USB1: variants seen among roughly 807,000 people sequenced by gnomAD.
USB1 encodes U6 snRNA phosphodiesterase 1.
Under a neutral mutation model 29.9 loss-of-function variants are expected in USB1, and 21 were observed. The observed-to-expected ratio is 0.70, with a 90% CI of 0.50 to 1.01. USB1 has a LOEUF of 1.01. Among genes scored for constraint, USB1 ranks in the 50% least tolerant of loss-of-function variants. The probability of loss-of-function intolerance (pLI) is 0.00; values close to 1 mark genes in which losing one functional copy is unlikely to be tolerated. For synonymous variants in USB1, 143 were observed against 134.9 expected (o/e 1.06, Z -0.42); for missense variants, 330 against 347.1 (o/e 0.95, Z 0.39).
At chr16:58,009,736 A>T (rs1963445474) in intron 2 of USB1, among the ~76,000 whole-genome samples, 193 bp from the exon 3 acceptor site, 1 of 151,046 alleles carries the variant, frequency 6.6e-6, no homozygotes, top group African/African-American at 2.4e-5. Flanking sequence ...AAAAAAAAAA[A>T]ATAATAATAA....
At position 58,001,548 on chromosome 16, in the gene USB1, T is replaced by A; in HGVS notation, c.65T>A (p.Met22Lys). The A allele has an allele frequency of 1.9e-6, 3 of 1,609,556 alleles. No homozygotes were observed. The highest frequency in any genetic ancestry group is 3.3e-4 in the Middle Eastern group (2 of 6,048). The stretch of plus-strand genomic sequence containing the variant: ...TCCGAGGATGAGTCCGAGGACGGGA[T>A]GCGGACCAGGCCGGGGGATGGGAGC... ...SGSEDESEDG[M>K]RTRPGDGSHR... Residue 22 changes from methionine (M) to lysine (K), a missense_variant, in exon 1 of 7, where the codon ATG (methionine) becomes AAG (lysine). Physicochemically the swap from Met to Lys is moderately conservative, Grantham distance 95. Transcript: ENST00000219281.
chr16:58,016,862 A>G (rs1963627940), intron 4 of USB1: 1 of 183,554 alleles, frequency 5.4e-6, no homozygotes, highest in African/African-American at 2.3e-5. Flanking sequence ...TTCACTGAGA[A>G]TGGGATGGGG....
intron 2 of USB1, among the ~76,000 whole-genome samples, chr16:58,008,433 C>T (rs186338781): frequency 6.7e-5 from 10 of 148,192 alleles, no homozygotes; most frequent in African/African-American, 2.2e-4. Flanking sequence ...AGATGATTGA[C>T]TTTAGATCTT....
intron 4 of USB1, 114 bp from the exon 5 acceptor site, chr16:58,017,220 G>A (rs1435143619): frequency 9.1e-6 from 8 of 881,508 alleles, no homozygotes; most frequent in Admixed American, 1.7e-5. Context: ...CCAGGGAGAC[G>A]GTGAGACCCA....
rs1245690675 is a variant in USB1, at chr16:58,009,753, A to G, written c.266-176A>G. 2.6e-5 allele frequency among the ~76,000 whole-genome samples: 4 copies of G among 151,420 alleles called. No individual in the cohort carries two copies. In the South Asian group the frequency reaches 8.3e-4, roughly 31 times the overall value. On this transcript the variant is annotated intron_variant, in intron 2 of 6. Coordinates refer to ENST00000219281, the MANE Select transcript of USB1 (RefSeq NM_024598.4). ...AAAAAAAAAATAATAATAAATAAAT[A>G]AATAAATAAATGAAAATAAAATTAT...
At chr16:58,018,224 CTTT>C (rs1179959137) in intron 5 of USB1, among the ~76,000 whole-genome samples, 6 of 130,076 alleles carry the variant, frequency 4.6e-5, no homozygotes, top group Admixed American at 2.3e-4. Context: ...TGGTTGATGT[CTTT>C]TTTTTTTTTT....
At chr16:58,005,061 G>A (rs1019641953) in intron 2 of USB1, among the ~76,000 whole-genome samples, 1 of 152,178 alleles carries the variant, frequency 6.6e-6, no homozygotes, top group African/African-American at 2.4e-5. Context: ...GGGAGAGAGA[G>A]AGGACAGCTT....
intron 6 of USB1, 99 bp from the exon 7 acceptor site, chr16:58,020,042 C>T: frequency 3.5e-6 from 4 of 1,149,710 alleles, no homozygotes; most frequent in Non-Finnish European, 5.2e-6. Flanking sequence ...CTCAGCCTCG[C>T]CCAGCCTCTG....
intron 2 of USB1, among the ~76,000 whole-genome samples, chr16:58,005,039 CAG>C (rs369214104): frequency 0.01 from 1,580 of 150,890 alleles, 36 homozygotes; most frequent in African/African-American, 0.036. Flanking sequence ...GCAGCTGAGG[CAG>C]AGAGAGAGAG....
intron 2 of USB1, among the ~76,000 whole-genome samples, chr16:58,003,036 C>G (rs1442418392): frequency 6.6e-6 from 1 of 152,160 alleles, no homozygotes; most frequent in East Asian, 1.9e-4. Context: ...AATGCCCAGG[C>G]TTCAGAGTCA....
chr16:58,002,394 A>G, intron 1 of USB1, 85 bp from the exon 2 acceptor site: 1 of 1,588,076 alleles, frequency 6.3e-7, no homozygotes, highest in South Asian at 1.1e-5. Flanking sequence ...CACCATATAT[A>G]AGGGGTTACA....
At chr16:58,012,547 G>T in intron 3 of USB1, 1 of 1,377,216 alleles carries the variant, frequency 7.3e-7, no homozygotes, top group Admixed American at 2.7e-5. Context: ...CGCATCTCCC[G>T]GCTAATGGTG....
chr16:58,019,620 G>T (rs2142314146), intron 6 of USB1, among the ~76,000 whole-genome samples: 1 of 135,682 alleles, frequency 7.4e-6, no homozygotes, highest in South Asian at 2.5e-4. Context: ...TGGGGAGACA[G>T]TAGGGAGTGT....
intron 3 of USB1, chr16:58,011,409 T>C: frequency 8.7e-7 from 1 of 1,151,112 alleles, no homozygotes; most frequent in Non-Finnish European, 1.1e-6. Context: ...TCCCCTTACC[T>C]ATTAGATTAT....
At chr16:58,020,038 C>A in intron 6 of USB1, 103 bp from the exon 7 acceptor site, 1 of 1,077,636 alleles carries the variant, frequency 9.3e-7, no homozygotes, top group Non-Finnish European at 1.4e-6. Flanking sequence ...CAGCCTCAGC[C>A]TCGCCCAGCC....
In USB1 at chr16:58,001,413, G is replaced by T. The variant is rs749839080; in HGVS notation, c.-71G>T. On this transcript the variant is annotated 5_prime_UTR_variant, in exon 1 of 7. Coordinates refer to ENST00000219281, the MANE Select transcript of USB1 (RefSeq NM_024598.4). Reference sequence around the variant, plus strand: ...GCCCCGCCCCTGGGAGGGCGCTTCCGGCACAGCGGAACTCCGGGTGCCGGT... The same window carrying T: ...GCCCCGCCCCTGGGAGGGCGCTTCCTGCACAGCGGAACTCCGGGTGCCGGT... The T allele has an allele frequency of 3.7e-5, 57 of 1,539,368 alleles. No individual in the cohort carries two copies. Among genetic ancestry groups the T allele is most frequent in the Non-Finnish European group, 4.8e-5 (55 of 1,137,432 alleles).
intron 3 of USB1, chr16:58,011,636 G>C: frequency 3.0e-6 from 3 of 988,578 alleles, no homozygotes; most frequent in Non-Finnish European, 2.4e-6. Context: ...CCAGAGATCA[G>C]TTGGCCCTGT....
In USB1 at chr16:58,001,546, G is replaced by A. The variant is rs1223065886; in HGVS notation, c.63G>A (p.Gly21=). Residue 21 remains glycine, a synonymous_variant, in exon 1 of 7, where the codon GGG becomes GGA. Coordinates refer to ENST00000219281, the MANE Select transcript of USB1 (RefSeq NM_024598.4). ...GCTCCGAGGATGAGTCCGAGGACGG[G>A]ATGCGGACCAGGCCGGGGGATGGGA... ...SSGSEDESED[G]MRTRPGDGSH... is the part of the protein sequence containing the mutation. The A allele has an allele frequency of 1.9e-6, 3 of 1,609,850 alleles. No individual in the cohort carries two copies. Among genetic ancestry groups the A allele is most frequent in the Non-Finnish European group, 2.5e-6 (3 of 1,178,552 alleles).
Position 58,014,340 on chromosome 16 carries a change from A to G in USB1, c.503+14A>G, listed in dbSNP as rs2142308601. The G allele has an allele frequency of 2.5e-6, 4 of 1,606,448 alleles. No individual in the cohort carries two copies. Among genetic ancestry groups the G allele is most frequent in the East Asian group, 2.2e-5 (1 of 44,856 alleles). On this transcript the variant is annotated intron_variant, in intron 4 of 6. Transcript: ENST00000219281. ...AGAGAAAACCAGGTGGGTCCTCCCA[A>G]CCCCCAATCACCATCAGAGGAAGAT...
Sources: allele counts gnomAD v4.1 joint callset (sites outside exome capture counted in the v4.1 genomes callset), GRCh38; gene constraint gnomAD v4.1.1; transcripts MANE v1.5; gene names NCBI Gene and HGNC (gene_info 2026-07-23, HGNC 2026-07-21).